The following TAF4 variants were observed in gnomAD, a reference collection of about 807,000 sequenced individuals.
The protein encoded by TAF4 is TATA-box binding protein associated factor 4.
In TAF4, 9 loss-of-function variants were observed where a neutral mutation model predicts 90.3. The observed-to-expected ratio is 0.10, with a 90% CI of 0.06 to 0.17. The LOEUF (loss-of-function observed/expected upper bound fraction) is 0.17. Ranked by LOEUF, TAF4 falls within the 10% of genes least tolerant of loss-of-function variation. The pLI is 1.00. For missense variants in TAF4, 1,351 were observed against 1,370.7 expected (o/e 0.99, Z 0.23); for synonymous variants, 818 against 638.9 (o/e 1.28, Z -4.23).
Position 62,010,921 on chromosome 20 carries a change from T to C in TAF4, c.1642-756A>G, listed in dbSNP as rs1350795299. ...GCAAATGTTTACTGATATTTTAAAC[T>C]AGTACTTTTCCAATGTATAAATCTA... On this transcript the variant is annotated intron_variant, in intron 3 of 14. Transcript: ENST00000252996. This position sits in a 1 kb window ranked among gnomAD's most constrained non-coding sequence, Gnocchi z 4.5. Among the ~76,000 whole-genome samples, 1 of 152,250 alleles carries C rather than the reference T, an allele frequency of 6.6e-6. No individual in the cohort carries two copies. The highest frequency in any genetic ancestry group is 2.4e-5 in the African/African-American group (1 of 41,462).
rs147850490 is a variant in TAF4, at chr20:62,051,114, T to C, written c.1360+13337A>G. ...CACGTCCAAAATGAACCTCAGCCCA[T>C]GGCCCCCAGTGTCAAGTGGAAGGCA... On this transcript the variant is annotated intron_variant, in intron 1 of 14. Transcript: ENST00000252996. Among the ~76,000 whole-genome samples the C allele has an allele frequency of 3.9e-4, 60 of 152,314 alleles. 2 individuals carry two copies. In the East Asian group the frequency reaches 9.7e-3, roughly 25 times the overall value.
At chr20:62,061,450 C>T (rs1042692288) in intron 1 of TAF4, among the ~76,000 whole-genome samples, 3 of 152,192 alleles carry the variant, frequency 2.0e-5, no homozygotes, top group Non-Finnish European at 4.4e-5. Context: ...TACACTTGGG[C>T]CAAATCTTAG....
At chr20:61,987,901 T>C (rs2123106808) in intron 14 of TAF4, among the ~76,000 whole-genome samples, 1 of 152,220 alleles carries the variant, frequency 6.6e-6, no homozygotes, top group African/African-American at 2.4e-5. Context: ...TGAAAAGAAA[T>C]GAGCCATCAA....
chr20:62,015,874 G>A (rs1355250241), intron 1 of TAF4, among the ~76,000 whole-genome samples: 2 of 152,248 alleles, frequency 1.3e-5, no homozygotes, highest in East Asian at 3.9e-4. Flanking sequence ...TGCCTCTCCT[G>A]GGCTAACATC....
intron 9 of TAF4, among the ~76,000 whole-genome samples, chr20:62,001,623 A>G (rs545835569): frequency 6.6e-6 from 1 of 152,202 alleles, no homozygotes; most frequent in South Asian, 2.1e-4. Flanking sequence ...TCTCATGCCC[A>G]GTCCTCCTAT....
intron 14 of TAF4, among the ~76,000 whole-genome samples, chr20:61,996,393 A>T (rs2055663024): frequency 6.6e-6 from 1 of 152,174 alleles, no homozygotes; most frequent in East Asian, 1.9e-4. Context: ...TAAAAAAATT[A>T]AAAATTAAAA....
chr20:62,038,871 G>A (rs573604847), intron 1 of TAF4, among the ~76,000 whole-genome samples: 5 of 152,070 alleles, frequency 3.3e-5, no homozygotes, highest in African/African-American at 7.2e-5. Flanking sequence ...TGGCCAACAC[G>A]GCAAAACCCT....
intron 1 of TAF4, among the ~76,000 whole-genome samples, chr20:62,015,095 C>T (rs901406581): frequency 6.6e-6 from 1 of 152,182 alleles, no homozygotes; most frequent in Admixed American, 6.5e-5. Flanking sequence ...GTCCGCTGGG[C>T]TGGGCCTAGA....
intron 14 of TAF4, among the ~76,000 whole-genome samples, chr20:61,977,895 T>A (rs546305243): frequency 6.6e-6 from 1 of 152,356 alleles, no homozygotes; most frequent in East Asian, 1.9e-4. Flanking sequence ...TGTTTGATGT[T>A]TCTATCTTCA....
rs192280705 is a variant in TAF4, at chr20:62,036,859, G to A, written c.1361-22152C>T. 7.1e-3 allele frequency among the ~76,000 whole-genome samples: 1,076 copies of A among 152,312 alleles called. 7 individuals carry two copies. Among genetic ancestry groups the A allele is most frequent in the Non-Finnish European group, 0.011 (779 of 68,016 alleles). On this transcript the variant is annotated intron_variant, in intron 1 of 14. Coordinates refer to ENST00000252996, the MANE Select transcript of TAF4 (RefSeq NM_003185.4). ...AAGGTGATGGTAGCAGAAGCGGGGG[G>A]ACTTTGGGGGCCCAGCCCTCATTAA...
At chr20:62,059,157 T>C (rs1282335208) in intron 1 of TAF4, among the ~76,000 whole-genome samples, 1 of 152,206 alleles carries the variant, frequency 6.6e-6, no homozygotes, top group Non-Finnish European at 1.5e-5. Context: ...GGCACTTCAC[T>C]ACATCATCCT....
At chr20:62,023,762 AAAAAAAAAG>A (rs1484889066) in intron 1 of TAF4, among the ~76,000 whole-genome samples, 11 of 144,256 alleles carry the variant, frequency 7.6e-5, no homozygotes, top group Non-Finnish European at 1.4e-4. Context: ...AAAAAAAAAA[AAAAAAAAAG>A]AAAGAAAGAA....
chr20:62,033,737 C>CAA (rs760557566), intron 1 of TAF4, among the ~76,000 whole-genome samples: 12 of 64,592 alleles, frequency 1.9e-4, no homozygotes, highest in East Asian at 5.1e-4. Context: ...GACTCCGTCT[C>CAA]AAAAAAAAAA....
chr20:62,017,363 G>A (rs1220644666), intron 1 of TAF4, among the ~76,000 whole-genome samples: 2 of 151,998 alleles, frequency 1.3e-5, no homozygotes, highest in Non-Finnish European at 2.9e-5. Context: ...CCAAGGCCAG[G>A]CACGGTGGCT....
chr20:62,029,475 T>TGC (rs369403106), intron 1 of TAF4, among the ~76,000 whole-genome samples: 14,709 of 143,722 alleles, frequency 0.1, 950 homozygotes, highest in East Asian at 0.35. Context: ...AGTGCCCACG[T>TGC]GCGCGCGCGC....
intron 1 of TAF4, among the ~76,000 whole-genome samples, chr20:62,034,350 G>A (rs1406838993): frequency 6.6e-6 from 1 of 152,110 alleles, no homozygotes; most frequent in East Asian, 1.9e-4. Flanking sequence ...TTAGACAAGG[G>A]TCTCATTCTG....
At chr20:62,056,439 G>A (rs6089631) in intron 1 of TAF4, among the ~76,000 whole-genome samples, 2 of 152,158 alleles carry the variant, frequency 1.3e-5, no homozygotes, top group East Asian at 1.9e-4. Flanking sequence ...TCTGGTGGAA[G>A]GTGATATGTA....
At chr20:62,028,621 T>C (rs956123382) in intron 1 of TAF4, among the ~76,000 whole-genome samples, 3 of 152,262 alleles carry the variant, frequency 2.0e-5, no homozygotes, top group Non-Finnish European at 4.4e-5. Flanking sequence ...CGTGAACAGG[T>C]ACAGTGCACA....
chr20:62,048,160 T>C (rs1004260044), intron 1 of TAF4, among the ~76,000 whole-genome samples: 2 of 152,190 alleles, frequency 1.3e-5, no homozygotes. Context: ...GGCTGCGACA[T>C]ACCTAGCACC....
Sources: allele counts gnomAD v4.1 joint callset (sites outside exome capture counted in the v4.1 genomes callset), GRCh38; gene constraint gnomAD v4.1.1; non-coding constraint Gnocchi (gnomAD v3.1); transcripts MANE v1.5; gene names NCBI Gene and HGNC (gene_info 2026-07-23, HGNC 2026-07-21).